NUP188: variants seen among roughly 807,000 people sequenced by gnomAD.
NUP188 encodes nucleoporin 188.
In NUP188, 97 loss-of-function variants were observed where a neutral mutation model predicts 223.0. The ratio of observed to expected loss-of-function variants is 0.43; its 90% CI spans 0.37 to 0.51. NUP188 has a LOEUF of 0.51. Among genes scored for constraint, NUP188 ranks in the 20% least tolerant of loss-of-function variants. The pLI is 0.00. For synonymous variants in NUP188, 869 were observed against 828.0 expected, an observed-to-expected ratio of 1.05 and a Z score of -0.85; for missense variants, 1,947 against 2,175.6, an observed-to-expected ratio of 0.89 and a Z score of 2.09.
intron 33 of NUP188, 136 bp from the exon 34 acceptor site, chr9:128,999,488 T>C: frequency 8.5e-7 from 1 of 1,174,420 alleles, no homozygotes; most frequent in Admixed American, 2.3e-5. Flanking sequence ...TGTCTCTCCC[T>C]CCTCTCCCAC....
chr9:128,981,150 G>A (rs2131165264), intron 14 of NUP188, 114 bp from the exon 15 acceptor site: 1 of 1,287,444 alleles, frequency 7.8e-7, no homozygotes, highest in Non-Finnish European at 1.1e-6. Flanking sequence ...TCCAAGAACA[G>A]TCACAGTGGT....
chr9:128,951,889 T>C (rs1841793779), intron 2 of NUP188, among the ~76,000 whole-genome samples: 1 of 151,116 alleles, frequency 6.6e-6, no homozygotes, highest in African/African-American at 2.4e-5. Flanking sequence ...GCCTCCCAGG[T>C]TCAAGTGATT....
In NUP188 at chr9:129,005,379, C is replaced by G. The variant is rs771282259; in HGVS notation, c.4586C>G (p.Pro1529Arg). 4 of 1,613,290 alleles carry G rather than the reference C, an allele frequency of 2.5e-6. No homozygotes were observed. The highest frequency in any genetic ancestry group is 1.3e-5 in the African/African-American group (1 of 74,940). Residue 1529 changes from proline to arginine, a missense_variant, in exon 40 of 44, where the codon CCC becomes CGC. Pro to Arg is a moderately radical substitution (Grantham distance 103). Coordinates refer to ENST00000372577, the MANE Select transcript of NUP188 (RefSeq NM_015354.3). The stretch of plus-strand genomic sequence containing the variant: ...CCACCGTCTGCTGCTTCTGCTGCCC[C>G]CTCCTCCTCAAAGCAGCCCGCTGCT... ...QRPPSAASAA[P>R]SSSKQPAADT...
chr9:128,994,717 A>G, intron 28 of NUP188, 139 bp from the exon 29 acceptor site: 1 of 761,250 alleles, frequency 1.3e-6, no homozygotes. Context: ...TGCTCTTGCA[A>G]GTCAGGACAT....
Position 128,988,068 on chromosome 9 carries a change from G to A in NUP188, c.2415G>A (p.Gly805=). ...QPRSDGAEGQ[G]QGQLLIKTVK... is the part of the protein sequence containing the mutation. ...CTAGTGATGGGGCAGAGGGCCAGGG[G>A]CAGGGCCAGCTGCTGATCAAGACAG... The change falls in exon 24 of 44, where the codon GGG becomes GGA. Residue 805 remains glycine (G), a synonymous_variant. Transcript: ENST00000372577. 1 of 1,614,198 alleles carries A rather than the reference G, an allele frequency of 6.2e-7. No individual in the cohort carries two copies. Among genetic ancestry groups the A allele is most frequent in the African/African-American group, 1.3e-5 (1 of 75,064 alleles).
At position 129,005,795 on chromosome 9, in the gene NUP188, A is replaced by T. The variant is rs1397270586; in HGVS notation, c.4869+19A>T. On this transcript the variant is annotated intron_variant, in intron 41 of 43. Coordinates refer to ENST00000372577, the MANE Select transcript of NUP188 (RefSeq NM_015354.3). The stretch of plus-strand genomic sequence containing the variant: ...TGGAGAGGTAAGTTGGTTCTGTCAG[A>T]CACTGTCCTCTCCCCCCGGCTCCTC... 1 of 1,585,530 alleles carries T rather than the reference A, an allele frequency of 6.3e-7. No homozygotes were observed. The highest frequency in any genetic ancestry group is 8.6e-7 in the Non-Finnish European group (1 of 1,165,922).
At chr9:128,997,748 GTCTC>G (rs1842554359) in intron 30 of NUP188, among the ~76,000 whole-genome samples, 2 of 151,312 alleles carry the variant, frequency 1.3e-5, no homozygotes, top group African/African-American at 4.9e-5. Context: ...TTAAGACGGA[GTCTC>G]TCTCTGTCGC....
At position 128,995,198 on chromosome 9, in the gene NUP188, C is replaced by G. The variant is rs1842501277; in HGVS notation, c.3156-121C>G. ...GCCTAACCCACACGTTGGAGGTGTCCTGGAGCCGTCTGCCTTTAAGCCCAT... is the reference window on the plus strand; with the variant it reads ...GCCTAACCCACACGTTGGAGGTGTCGTGGAGCCGTCTGCCTTTAAGCCCAT... On this transcript the variant is annotated intron_variant, in intron 29 of 43. Transcript: ENST00000372577. 2.5e-5 allele frequency: 19 copies of G among 753,840 alleles called. No homozygotes were observed. In the South Asian group the frequency reaches 3.2e-4, roughly 13 times the overall value. 46.7% of individuals were successfully genotyped at this position (753,840 alleles called of 1,614,324 possible).
intron 8 of NUP188, among the ~76,000 whole-genome samples, chr9:128,964,117 C>T (rs996776282): frequency 6.6e-6 from 1 of 152,012 alleles, no homozygotes; most frequent in Non-Finnish European, 1.5e-5. Flanking sequence ...CCTGGTCTCA[C>T]TGTGGTTTTA....
In NUP188 at chr9:128,973,900, ATT is replaced by A. The variant is rs1301774324; in HGVS notation, c.1203+653_1203+654del. Among the ~76,000 whole-genome samples, 3 of 152,026 alleles carry A rather than the reference ATT, an allele frequency of 2.0e-5. No individual in the cohort carries two copies. The East Asian group carries it at 5.8e-4, about 29-fold the overall frequency. ...TTTACTATTTTTAAAATTTCTGTTT[ATT>A]TATTTATTTATGCATTTATTTTTTT... On this transcript the variant is annotated intron_variant, in intron 12 of 43. Transcript: ENST00000372577.
At chr9:128,980,490 A>G (rs942370660) in intron 13 of NUP188, 116 bp from the exon 14 acceptor site, 8 of 988,198 alleles carry the variant, frequency 8.1e-6, no homozygotes, top group South Asian at 1.8e-5. Context: ...AGGAGGGATG[A>G]TATCTGTCTA....
rs57834270 is a variant in NUP188, at chr9:128,947,888, G to A, written c.32+137G>A. The A allele has an allele frequency of 4.3e-3, 3,484 of 801,760 alleles. 90 individuals carry two copies. The African/African-American group carries it at 0.057, about 13-fold the overall frequency. The allele number at this position is 801,760 out of a possible 1,614,324, so 49.7% of individuals were successfully genotyped here. A position where few individuals can be genotyped will look rare whatever the true frequency, so the allele number is the denominator to read the frequency against. ...CGGCTGGATGGACGGGCACCGAGAC[G>A]GGAGGCGGTTACGTCCAAACGGTCC... On this transcript the variant is annotated intron_variant, in intron 1 of 43. Coordinates refer to ENST00000372577, the MANE Select transcript of NUP188 (RefSeq NM_015354.3).
Position 129,005,423 on chromosome 9 carries a change from C to G in NUP188, c.4630C>G (p.Gln1544Glu), listed in dbSNP as rs773092616. Reference sequence around the variant, plus strand: ...CGCTGCTGACACAGAGGCATCAGAGCAGCAGGCCTTGCACACAGTCCAGTA... The same window carrying G: ...CGCTGCTGACACAGAGGCATCAGAGGAGCAGGCCTTGCACACAGTCCAGTA... ...QPAADTEASE[Q>E]QALHTVQYGL... Residue 1544 changes from glutamine to glutamate, a missense_variant, in exon 40 of 44, where the codon CAG (glutamine) becomes GAG (glutamate). This residue lies in a region of NUP188 where 905 missense variants were observed against 990.6 expected (regional missense o/e 0.91). Coordinates refer to ENST00000372577, the MANE Select transcript of NUP188 (RefSeq NM_015354.3). The G allele has an allele frequency of 1.2e-6, 2 of 1,610,292 alleles. No homozygotes were observed. The highest frequency in any genetic ancestry group is 1.7e-6 in the Non-Finnish European group (2 of 1,180,016).
At chr9:128,995,016 C>CAG (rs1554830388) in intron 29 of NUP188, 93 bp downstream of exon 29, 1 of 939,616 alleles carries the variant, frequency 1.1e-6, no homozygotes, top group African/African-American at 1.6e-5. Context: ...AGAGCCAAGG[C>CAG]AGAGGAGAGA....
intron 8 of NUP188, among the ~76,000 whole-genome samples, chr9:128,961,806 A>G (rs1396592440): frequency 6.6e-6 from 1 of 151,502 alleles, no homozygotes; most frequent in African/African-American, 2.4e-5. Context: ...TTTTTAGTAG[A>G]TACAGGGTTT....
chr9:128,963,814 GTT>G (rs201498395), intron 8 of NUP188, among the ~76,000 whole-genome samples: 1 of 140,412 alleles, frequency 7.1e-6, no homozygotes. Context: ...CTTATTGTGG[GTT>G]TTTTTTTTTT....
rs1286902634 is a variant in NUP188 at position 128,970,833 on chromosome 9, C to T, written c.988C>T (p.Arg330Cys). 9 of 1,614,128 alleles carry T rather than the reference C, an allele frequency of 5.6e-6. No individual in the cohort carries two copies. Among genetic ancestry groups the T allele is most frequent in the East Asian group, 2.2e-5 (1 of 44,876 alleles). Residue 330 changes from arginine to cysteine, a missense_variant, in exon 11 of 44, where the codon CGT becomes TGT. Physicochemically the swap from Arg to Cys is radical, Grantham distance 180. Around this residue, in one of 3 missense-constraint regions of NUP188, gnomAD observed 817 missense variants for 865.8 expected, o/e 0.94. Coordinates refer to ENST00000372577, the MANE Select transcript of NUP188 (RefSeq NM_015354.3). ...AGTGCTTTTGGCCTGGGCTCTCCTC[C>T]GTCACACTCTGAACCCAGAAGAGAC... ...APVLLAWALL[R>C]HTLNPEETSS...
intron 8 of NUP188, among the ~76,000 whole-genome samples, chr9:128,961,141 G>A (rs913534760): frequency 2.7e-5 from 4 of 148,338 alleles, no homozygotes; most frequent in Admixed American, 1.4e-4. Flanking sequence ...CCAATATGGT[G>A]AAGCCCTGTC....
chr9:128,978,235 C>T (rs900487795), intron 12 of NUP188, among the ~76,000 whole-genome samples: 3 of 151,536 alleles, frequency 2.0e-5, no homozygotes, highest in African/African-American at 7.3e-5. Flanking sequence ...GACCCTGTCT[C>T]TAAAAATAGA....
Sources: gnomAD v4.1 joint callset for allele counts (sites outside exome capture counted in the v4.1 genomes callset) on GRCh38, gnomAD v4.1.1 for gene constraint, gnomAD v4.1.1 regional missense constraint, MANE v1.5 for transcripts, NCBI Gene and HGNC (gene_info 2026-07-23, HGNC 2026-07-21) for gene names.